TBCD: variants seen among roughly 807,000 people sequenced by gnomAD.
The protein encoded by TBCD is tubulin folding cofactor D, also known as tubulin-specific chaperone D.
TBCD carries 105 observed loss-of-function variants against 169.3 expected under a neutral mutation model. The observed-to-expected ratio is 0.62, with a 90% confidence interval of 0.53 to 0.73. The LOEUF (loss-of-function observed/expected upper bound fraction) is 0.73, where lower values mean the gene tolerates loss of function less well. Among genes scored for constraint, TBCD ranks in the 30% least tolerant of loss-of-function variants. The probability of loss-of-function intolerance (pLI) is 0.00; values close to 1 mark genes in which losing one functional copy is unlikely to be tolerated. For synonymous variants in TBCD, 700 were observed against 643.9 expected (o/e 1.09, Z -1.32); for missense variants, 1,444 against 1,600.1 (o/e 0.90, Z 1.66).
chr17:82,845,837 C>T (rs1001982081), intron 13 of TBCD, among the ~76,000 whole-genome samples: 6 of 152,226 alleles, frequency 3.9e-5, no homozygotes, highest in South Asian at 2.1e-4. Context: ...GAAGGAAGGG[C>T]GTCACATCTT....
chr17:82,939,724 G>A (rs2062952906), intron 37 of TBCD, among the ~76,000 whole-genome samples: 1 of 152,250 alleles, frequency 6.6e-6, no homozygotes. Context: ...ATCCCACCAG[G>A]GGAGCGGGCA....
chr17:82,942,022 A>G (rs137865356), intron 38 of TBCD: 4,844 of 264,728 alleles, frequency 0.018, 66 homozygotes, highest in Non-Finnish European at 0.024. Context: ...GCAGGAGGTT[A>G]TATCTGAGAG....
At chr17:82,807,481 A>G (rs2144789945) in intron 10 of TBCD, 127 bp from the exon 11 acceptor site, 1 of 520,324 alleles carries the variant, frequency 1.9e-6, no homozygotes, top group East Asian at 3.5e-5. Flanking sequence ...TGTCATTAAA[A>G]TTAATATTGT....
intron 13 of TBCD, 144 bp downstream of exon 13, chr17:82,815,078 C>T (rs907657418): frequency 1.0e-4 from 137 of 1,361,160 alleles, no homozygotes; most frequent in South Asian, 2.4e-4. Context: ...TGGCAGGCTG[C>T]AGCCCTTCGT....
chr17:82,912,623 C>T (rs554860882), intron 23 of TBCD, among the ~76,000 whole-genome samples: 6 of 151,540 alleles, frequency 4.0e-5, no homozygotes, highest in East Asian at 3.9e-4. Flanking sequence ...GGAAAAATCG[C>T]GGTTGTGTGC....
rs894692909 is a variant in TBCD at position 82,889,216 on chromosome 17, C to T, written c.1534-452C>T. On this transcript the variant is annotated intron_variant, in intron 15 of 38. Transcript: ENST00000355528. This position sits in a 1 kb window ranked among gnomAD's most constrained non-coding sequence, Gnocchi z 5.3. ...TGGGCCTGTGCCCGGCCCTGGGACT[C>T]GGCCTGGAGAGCCTATTGACACCGT... is the stretch of plus-strand genomic sequence containing the variant. Among the ~76,000 whole-genome samples the T allele has an allele frequency of 2.6e-5, 4 of 152,170 alleles. No homozygotes were observed. Among genetic ancestry groups the T allele is most frequent in the African/African-American group, 7.2e-5 (3 of 41,432 alleles).
At chr17:82,883,219 G>A (rs1254322767) in intron 14 of TBCD, among the ~76,000 whole-genome samples, 1 of 152,268 alleles carries the variant, frequency 6.6e-6, no homozygotes, top group African/African-American at 2.4e-5. Context: ...GGAAGACCTG[G>A]AAACCAGGAA....
intron 37 of TBCD, 138 bp from the exon 38 acceptor site, chr17:82,941,261 C>T (rs2063214141): frequency 1.5e-6 from 1 of 681,656 alleles, no homozygotes; most frequent in South Asian, 1.9e-5. Context: ...TCTTTTCTGC[C>T]CTCAGCCTGG....
intron 11 of TBCD, among the ~76,000 whole-genome samples, chr17:82,808,790 G>A (rs973186621): frequency 4.1e-4 from 62 of 151,346 alleles, no homozygotes; most frequent in African/African-American, 1.4e-3. Context: ...CAGGTGGAGG[G>A]GCTGGCAGGT....
rs1420481819 is a variant in TBCD, at chr17:82,930,191, A to G, written c.2992-331A>G. 1 of 345,152 alleles carries G rather than the reference A, an allele frequency of 2.9e-6. No homozygotes were observed. Among genetic ancestry groups the G allele is most frequent in the Non-Finnish European group, 5.4e-6 (1 of 185,052 alleles). The allele number at this position is 345,152 out of a possible 1,614,324, so 21.4% of individuals were successfully genotyped here. A position where few individuals can be genotyped will look rare whatever the true frequency, so the allele number is the denominator to read the frequency against. ...GCCCCGAGACATTCTGCACTCGGGA[A>G]TTGCGGGGATTATCAAATCCCGCTT... On this transcript the variant is annotated intron_variant, in intron 32 of 38. Transcript: ENST00000355528. This position sits in a 1 kb window ranked among gnomAD's most constrained non-coding sequence, Gnocchi z 5.2.
intron 1 of TBCD, 136 bp from the exon 2 acceptor site, chr17:82,756,029 G>T: frequency 1.3e-6 from 1 of 758,120 alleles, no homozygotes; most frequent in Non-Finnish European, 2.2e-6. Flanking sequence ...TTTAGTGAGA[G>T]GGGAGGTGTG....
chr17:82,758,384 G>GGAAAAAAAAAAAAAAAAAAAAAAA (rs1555672563), intron 2 of TBCD, among the ~76,000 whole-genome samples: 1 of 25,000 alleles, frequency 4.0e-5, no homozygotes, highest in African/African-American at 9.9e-5. Flanking sequence ...AAACGTCTCG[G>GGAAAAAAAAAAAAAAAAAAAAAAA]AAAAAAAAAA....
chr17:82,803,610 G>C (rs939083004), intron 9 of TBCD, among the ~76,000 whole-genome samples: 2 of 152,206 alleles, frequency 1.3e-5, no homozygotes, highest in African/African-American at 2.4e-5. Context: ...GTACCCCTGC[G>C]GGGAGGAGGT....
At chr17:82,936,664 G>A (rs1341424181) in intron 34 of TBCD, among the ~76,000 whole-genome samples, 1 of 152,182 alleles carries the variant, frequency 6.6e-6, no homozygotes, top group Non-Finnish European at 1.5e-5. Context: ...AGCAGTGAGG[G>A]TTTCCTGGCC....
At chr17:82,852,937 G>A (rs185599010) in intron 13 of TBCD, among the ~76,000 whole-genome samples, 44 of 152,328 alleles carry the variant, frequency 2.9e-4, no homozygotes, top group African/African-American at 9.9e-4. Context: ...GCTCAGAACC[G>A]TGTCTGGCTT....
intron 7 of TBCD, among the ~76,000 whole-genome samples, chr17:82,791,913 G>C (rs1332881692): frequency 6.6e-6 from 1 of 152,142 alleles, no homozygotes; most frequent in Non-Finnish European, 1.5e-5. Context: ...GTGGCCCGCT[G>C]CTCCCAGGCT....
At position 82,890,432 on chromosome 17, in the gene TBCD, T is replaced by G. The variant is rs72859974; in HGVS notation, c.1563+735T>G. On this transcript the variant is annotated intron_variant, in intron 16 of 38. Coordinates refer to ENST00000355528, the MANE Select transcript of TBCD (RefSeq NM_005993.5). This position sits in a 1 kb window ranked among gnomAD's most constrained non-coding sequence, Gnocchi z 5.3. ...GGGTCTGGGCTGTGGCCAGGTGGTG[T>G]GGGGCGGCATGGGGTGGACGTGGGC... 6.6e-6 allele frequency among the ~76,000 whole-genome samples: 1 copy of G among 152,078 alleles called. No homozygotes were observed. Among genetic ancestry groups the G allele is most frequent in the Non-Finnish European group, 1.5e-5 (1 of 67,980 alleles).
intron 10 of TBCD, among the ~76,000 whole-genome samples, 172 bp from the exon 11 acceptor site, chr17:82,807,436 G>T (rs1175034442): frequency 6.6e-6 from 1 of 152,204 alleles, no homozygotes; most frequent in Non-Finnish European, 1.5e-5. Context: ...TGTATGTGAT[G>T]ATTTGAGAAC....
chr17:82,765,163 G>A lies in TBCD; in HGVS notation c.333+1101G>A, dbSNP rs1422418171. On this transcript the variant is annotated intron_variant, in intron 3 of 38. Coordinates refer to ENST00000355528, the MANE Select transcript of TBCD (RefSeq NM_005993.5). ...TAGTCTGCTTTTCTTACAAGCTTGCGGGTGTCTGCTCATAGTCTGCTTTTC... is the reference window on the plus strand; with the variant it reads ...TAGTCTGCTTTTCTTACAAGCTTGCAGGTGTCTGCTCATAGTCTGCTTTTC... 9.7e-4 allele frequency among the ~76,000 whole-genome samples: 6 copies of A among 6,174 alleles called. No individual in the cohort carries two copies. The African/African-American group carries it at 0.012, about 12-fold the overall frequency. The allele number at this position is 6,174 out of a possible 152,430, so 4.1% of individuals were successfully genotyped here.
Sources: gnomAD v4.1 joint callset for allele counts (sites outside exome capture counted in the v4.1 genomes callset) on GRCh38, gnomAD v4.1.1 for gene constraint, Gnocchi (gnomAD v3.1) non-coding constraint, MANE v1.5 for transcripts, NCBI Gene and HGNC (gene_info 2026-07-23, HGNC 2026-07-21) for gene names.